MED12L: variants seen among roughly 807,000 people sequenced by gnomAD.
MED12L encodes the protein mediator of RNA polymerase II transcription subunit 12-like protein.
In MED12L, 60 loss-of-function variants were observed where a neutral mutation model predicts 281.3. The observed-to-expected ratio is 0.21, with a 90% CI of 0.17 to 0.26. The LOEUF is 0.26. Among genes scored for constraint, MED12L ranks in the 10% least tolerant of loss-of-function variants. The pLI is 1.00. For synonymous variants in MED12L, 974 were observed against 987.2 expected (o/e 0.99, Z 0.25); for missense variants, 2,146 against 2,680.9 (o/e 0.80, Z 4.41).
At chr3:151,190,264 C>T (rs7650499) in intron 13 of MED12L, among the ~76,000 whole-genome samples, 12,252 of 151,860 alleles carry the variant, frequency 0.081, 1,141 homozygotes, top group African/African-American at 0.22. Context: ...CTCCGCCTCC[C>T]GGGTTCAAGC....
intron 2 of MED12L, among the ~76,000 whole-genome samples, chr3:151,105,419 G>C (rs1721889822): frequency 6.6e-6 from 1 of 151,920 alleles, no homozygotes; most frequent in Non-Finnish European, 1.5e-5. Context: ...TTCGAGTCTG[G>C]TTCTGCCCTC....
At chr3:151,192,492 A>C in intron 14 of MED12L, 58 bp from the exon 15 acceptor site, 1 of 1,195,726 alleles carries the variant, frequency 8.4e-7, no homozygotes, top group Non-Finnish European at 1.2e-6. Flanking sequence ...TTTTAGCTTC[A>C]GTTTCTTGAT....
At chr3:151,100,373 C>T (rs2148658159) in intron 2 of MED12L, among the ~76,000 whole-genome samples, 1 of 152,288 alleles carries the variant, frequency 6.6e-6, no homozygotes, top group East Asian at 1.9e-4. Flanking sequence ...CCAGCCATTT[C>T]ATTCATGGAT....
intron 20 of MED12L, among the ~76,000 whole-genome samples, 155 bp from the exon 21 acceptor site, chr3:151,360,319 T>C (rs1299327576): frequency 6.6e-6 from 1 of 152,184 alleles, no homozygotes; most frequent in African/African-American, 2.4e-5. Context: ...AAAAATTATA[T>C]TGTACTGAGT....
At chr3:151,312,528 C>T (rs767721642) in intron 16 of MED12L, among the ~76,000 whole-genome samples, 1 of 152,108 alleles carries the variant, frequency 6.6e-6, no homozygotes, top group African/African-American at 2.4e-5. Context: ...ACTTGGAAAA[C>T]AAAGTTTCAC....
intron 2 of MED12L, among the ~76,000 whole-genome samples, chr3:151,097,905 G>A (rs974677928): frequency 6.6e-6 from 1 of 152,206 alleles, no homozygotes; most frequent in Non-Finnish European, 1.5e-5. Context: ...TAAGAGGAAG[G>A]TACAAAGTGC....
intron 16 of MED12L, among the ~76,000 whole-genome samples, chr3:151,240,172 G>A (rs567938175): frequency 6.6e-6 from 1 of 152,216 alleles, no homozygotes; most frequent in African/African-American, 2.4e-5. Flanking sequence ...TTAGAGTGTA[G>A]ATTACTTAAG....
intron 16 of MED12L, among the ~76,000 whole-genome samples, chr3:151,298,843 T>C (rs543885568): frequency 5.3e-5 from 8 of 152,310 alleles, no homozygotes; most frequent in African/African-American, 1.9e-4. Context: ...ATTAATTTCC[T>C]CAGTCATACT....
At chr3:151,292,375 A>G (rs1380710545) in intron 16 of MED12L, among the ~76,000 whole-genome samples, 1 of 140,772 alleles carries the variant, frequency 7.1e-6, no homozygotes, top group East Asian at 2.1e-4. Context: ...CAACCTCCCC[A>G]TCTGGAGTTC....
At chr3:151,240,427 A>G (rs16863277) in intron 16 of MED12L, among the ~76,000 whole-genome samples, 4,028 of 152,308 alleles carry the variant, frequency 0.026, 162 homozygotes, top group African/African-American at 0.093. Context: ...ATTTTAATTG[A>G]ATAGCTGCTG....
chr3:151,385,813 T>C (rs1249332816), intron 36 of MED12L, among the ~76,000 whole-genome samples: 1 of 152,188 alleles, frequency 6.6e-6, no homozygotes, highest in Non-Finnish European at 1.5e-5. Flanking sequence ...AAGCAGTATT[T>C]AATGGACATT....
intron 16 of MED12L, chr3:151,213,518 A>G: frequency 2.5e-6 from 4 of 1,614,174 alleles, no homozygotes; most frequent in South Asian, 1.1e-5. Flanking sequence ...TTTGACTGGC[A>G]GCTGTAATGA....
intron 2 of MED12L, among the ~76,000 whole-genome samples, chr3:151,088,074 C>G (rs1480671167): frequency 6.6e-6 from 1 of 152,144 alleles, no homozygotes; most frequent in Non-Finnish European, 1.5e-5. Flanking sequence ...CCTTGTAAAC[C>G]AGGCAAGGAG....
At chr3:151,390,486 A>G (rs531823984) in intron 38 of MED12L, among the ~76,000 whole-genome samples, 1 of 152,340 alleles carries the variant, frequency 6.6e-6, no homozygotes, top group South Asian at 2.1e-4. Flanking sequence ...AATATTGCAC[A>G]GTGTCTTTTA....
chr3:151,328,045 T>C, intron 16 of MED12L: 1 of 1,603,834 alleles, frequency 6.2e-7, no homozygotes, highest in Non-Finnish European at 8.5e-7. Context: ...GGCTTGATGC[T>C]GTGGTCTTTC....
At chr3:151,415,755 T>C (rs1322865671) in intron 42 of MED12L, among the ~76,000 whole-genome samples, 1 of 152,230 alleles carries the variant, frequency 6.6e-6, no homozygotes, top group African/African-American at 2.4e-5. Flanking sequence ...CTTGGAAGCA[T>C]TTTCCAAGAG....
rs778594218 is a variant in MED12L, at chr3:151,165,525, G to C, written c.1357+6G>C. ...GTGCCAAGAATCCACAGCAGGTACA[G>C]AATGCCACAGAGGAACGAGTGCTTT... On this transcript the variant is annotated splice_donor_region_variant and intron_variant, in intron 10 of 44. Transcript: ENST00000687756. 8.1e-6 allele frequency: 13 copies of C among 1,603,556 alleles called. No individual in the cohort carries two copies. The South Asian group carries it at 1.4e-4, about 18-fold the overall frequency.
rs1177222089 is a variant in MED12L, at chr3:151,165,359, T to C, written c.1258-61T>C. 9 of 1,355,430 alleles carry C rather than the reference T, an allele frequency of 6.6e-6. No individual in the cohort carries two copies. The African/African-American group carries it at 8.6e-5, about 13-fold the overall frequency. The allele number at this position is 1,355,430 out of a possible 1,614,324, so 84.0% of individuals were successfully genotyped here. On this transcript the variant is annotated intron_variant, in intron 9 of 44. Coordinates refer to ENST00000687756, the MANE Select transcript of MED12L (RefSeq NM_001393769.1). ...TTTACTCACGTGGAAAAACCTGACATGATTTAGACATGCGCTGTGGCATTC... is the reference window on the plus strand; with the variant it reads ...TTTACTCACGTGGAAAAACCTGACACGATTTAGACATGCGCTGTGGCATTC...
rs1207910392 is a variant in MED12L at position 151,364,935 on chromosome 3, C to G, written c.2958-44C>G. ...TAAGTGAAATAGTTTTCTAGTTATT[C>G]TAGTTTTATTTTTCTGTTTTAACTT... On this transcript the variant is annotated intron_variant, in intron 21 of 44. Transcript: ENST00000687756. The G allele has an allele frequency of 5.2e-6, 7 of 1,336,710 alleles. No homozygotes were observed. In the Admixed American group the frequency reaches 6.8e-5, roughly 13 times the overall value. The allele number at this position is 1,336,710 out of a possible 1,614,324, so 82.8% of individuals were successfully genotyped here.
Sources: allele counts gnomAD v4.1 joint callset (sites outside exome capture counted in the v4.1 genomes callset), GRCh38; gene constraint gnomAD v4.1.1; transcripts MANE v1.5; gene names NCBI Gene and HGNC (gene_info 2026-07-23, HGNC 2026-07-21).